KCNH7: variants seen among roughly 807,000 people sequenced by gnomAD.
KCNH7 encodes potassium voltage-gated channel subfamily H member 7.
Under a neutral mutation model 120.8 loss-of-function variants are expected in KCNH7, and 49 were observed. The ratio of observed to expected loss-of-function variants is 0.41; its 90% confidence interval spans 0.32 to 0.51. KCNH7 has a LOEUF of 0.51. Among genes scored for constraint, KCNH7 ranks in the 20% least tolerant of loss-of-function variants. The pLI is 0.38. For missense variants in KCNH7, 1,097 were observed against 1,446.6 expected (o/e 0.76, Z 3.92); for synonymous variants, 547 against 516.1 (o/e 1.06, Z -0.81).
In KCNH7 at chr2:162,441,999, C is replaced by CTTCTTTT; in HGVS notation, c.1554+4018_1554+4019insAAAAGAA. On this transcript the variant is annotated intron_variant, in intron 7 of 15. Transcript: ENST00000332142. ...GAAAAAAATTAAATAGTTAGGTCTT[C>CTTCTTTT]TTTTTTTTTTTTTTTTTTTTTTTTT... Among the ~76,000 whole-genome samples the CTTCTTTT allele has an allele frequency of 3.3e-3, 135 of 41,536 alleles. 8 individuals are homozygous for CTTCTTTT. The highest frequency in any genetic ancestry group is 8.6e-3 in the African/African-American group (132 of 15,410). 27.2% of individuals were successfully genotyped at this position (41,536 alleles called of 152,430 possible). A position where few individuals can be genotyped will look rare whatever the true frequency, so the allele number is the denominator to read the frequency against.
intron 15 of KCNH7, 40 bp downstream of exon 15, chr2:162,373,430 C>T (rs1329932133): frequency 4.3e-6 from 6 of 1,386,210 alleles, no homozygotes; most frequent in Non-Finnish European, 5.7e-6. Context: ...TGGAAACACA[C>T]TGTGAGAGAC....
intron 2 of KCNH7, among the ~76,000 whole-genome samples, chr2:162,827,021 C>A (rs973439314): frequency 1.3e-5 from 2 of 152,020 alleles, no homozygotes; most frequent in African/African-American, 4.8e-5. Context: ...GAAGAAGAAA[C>A]CCAGTGGTTA....
At chr2:162,693,466 A>G (rs1574274211) in intron 2 of KCNH7, among the ~76,000 whole-genome samples, 1 of 152,200 alleles carries the variant, frequency 6.6e-6, no homozygotes, top group Admixed American at 6.5e-5. Flanking sequence ...AGAAAATGTC[A>G]TAAGTTGGGA....
intron 2 of KCNH7, among the ~76,000 whole-genome samples, chr2:162,634,848 T>C (rs1433465267): frequency 6.6e-6 from 1 of 152,064 alleles, no homozygotes; most frequent in Non-Finnish European, 1.5e-5. Context: ...TGATGAAAGA[T>C]GACAAATTGG....
intron 2 of KCNH7, among the ~76,000 whole-genome samples, chr2:162,637,953 T>C (rs1004587918): frequency 6.6e-6 from 1 of 152,100 alleles, no homozygotes; most frequent in African/African-American, 2.4e-5. Context: ...GTTACCATGA[T>C]TGAGGGAATT....
At chr2:162,719,151 T>C (rs966046268) in intron 2 of KCNH7, among the ~76,000 whole-genome samples, 6 of 152,042 alleles carry the variant, frequency 3.9e-5, no homozygotes, top group African/African-American at 1.2e-4. Flanking sequence ...TATGTAGGCC[T>C]ACTCACTACA....
chr2:162,822,262 T>C (rs1433779071), intron 2 of KCNH7, among the ~76,000 whole-genome samples: 2 of 151,850 alleles, frequency 1.3e-5, no homozygotes, highest in Non-Finnish European at 2.9e-5. Flanking sequence ...TTAATATGTA[T>C]TTTAAACCCA....
At chr2:162,373,707 A>C (rs746666301) in intron 14 of KCNH7, 45 bp from the exon 15 acceptor site, 1 of 1,321,786 alleles carries the variant, frequency 7.6e-7, no homozygotes. Flanking sequence ...AAAATAGTCC[A>C]GAATTTCAGG....
chr2:162,735,973 T>C (rs1311920300), intron 2 of KCNH7, among the ~76,000 whole-genome samples: 1 of 152,136 alleles, frequency 6.6e-6, no homozygotes, highest in Non-Finnish European at 1.5e-5. Context: ...TTGAAGTACT[T>C]GTATGGGCCA....
intron 8 of KCNH7, among the ~76,000 whole-genome samples, chr2:162,426,186 C>G (rs897504719): frequency 4.7e-5 from 7 of 147,732 alleles, no homozygotes; most frequent in Non-Finnish European, 7.4e-5. Context: ...TGCACTCCAG[C>G]CTGGGTGACA....
chr2:162,575,632 A>G (rs1693643323), intron 2 of KCNH7, among the ~76,000 whole-genome samples: 1 of 152,086 alleles, frequency 6.6e-6, no homozygotes, highest in Non-Finnish European at 1.5e-5. Flanking sequence ...CAACAGCTGC[A>G]CTTGATAACC....
At chr2:162,416,423 A>G (rs1467675355) in intron 9 of KCNH7, among the ~76,000 whole-genome samples, 2 of 152,042 alleles carry the variant, frequency 1.3e-5, no homozygotes, top group Non-Finnish European at 2.9e-5. Context: ...AGATAAAATC[A>G]TAGTTAGGCT....
chr2:162,405,213 A>G (rs968492067), intron 9 of KCNH7, among the ~76,000 whole-genome samples: 2 of 152,006 alleles, frequency 1.3e-5, no homozygotes, highest in African/African-American at 4.8e-5. Context: ...TTGAATTTAT[A>G]TGAATACAAC....
chr2:162,387,471 A>G (rs1426317752), intron 12 of KCNH7, among the ~76,000 whole-genome samples: 1 of 151,388 alleles, frequency 6.6e-6, no homozygotes, highest in East Asian at 1.9e-4. Flanking sequence ...TAGACATTAA[A>G]TAGTATCAGG....
At chr2:162,604,549 T>C (rs1471935686) in intron 2 of KCNH7, among the ~76,000 whole-genome samples, 1 of 151,994 alleles carries the variant, frequency 6.6e-6, no homozygotes, top group African/African-American at 2.4e-5. Context: ...CCATTCCACA[T>C]ATACTTTATA....
chr2:162,477,684 A>G (rs2105668384), intron 6 of KCNH7, among the ~76,000 whole-genome samples: 1 of 152,326 alleles, frequency 6.6e-6, no homozygotes, highest in East Asian at 1.9e-4. Context: ...ATATTACTGG[A>G]TGAAATACTA....
intron 3 of KCNH7, among the ~76,000 whole-genome samples, chr2:162,535,982 TGTATACTC>T (rs1274287843): frequency 1.3e-5 from 2 of 151,784 alleles, no homozygotes; most frequent in Admixed American, 1.3e-4. Context: ...ATAAATTAAC[TGTATACTC>T]TGCACTATAC....
At chr2:162,687,651 C>T (rs1685944221) in intron 2 of KCNH7, among the ~76,000 whole-genome samples, 1 of 152,038 alleles carries the variant, frequency 6.6e-6, no homozygotes, top group Admixed American at 6.6e-5. Flanking sequence ...ATCACAACTC[C>T]CCCTGCCCAT....
At chr2:162,729,435 T>C (rs1396247031) in intron 2 of KCNH7, among the ~76,000 whole-genome samples, 1 of 152,104 alleles carries the variant, frequency 6.6e-6, no homozygotes, top group Non-Finnish European at 1.5e-5. Flanking sequence ...CCATAGTTGT[T>C]TTAGTTAAGC....
Sources: allele counts gnomAD v4.1 joint callset (sites outside exome capture counted in the v4.1 genomes callset), GRCh38; gene constraint gnomAD v4.1.1; transcripts MANE v1.5; gene names NCBI Gene and HGNC (gene_info 2026-07-23, HGNC 2026-07-21).